DENND4C: variants seen among roughly 807,000 people sequenced by gnomAD.
DENND4C encodes the protein DENN domain-containing protein 4C.
A neutral mutation model predicts 203.0 loss-of-function variants in DENND4C; 108 were observed. The ratio of observed to expected loss-of-function variants is 0.53; its 90% CI spans 0.46 to 0.62. The LOEUF is 0.62. Among genes scored for constraint, DENND4C ranks in the 20% least tolerant of loss-of-function variants. The pLI, the probability that DENND4C is intolerant of heterozygous loss-of-function variation, is 0.00. For missense variants in DENND4C, 2,481 were observed against 2,301.2 expected (o/e 1.08, Z -1.60); for synonymous variants, 871 against 792.4 (o/e 1.10, Z -1.67).
Position 19,372,413 on chromosome 9 carries a change from C to T in DENND4C, c.*240C>T, listed in dbSNP as rs962987711. ...CAACCCCTGAACTGCTTTTCTGCCT[C>T]TGTGGAAAACTACTTTGGGATTCTT... On this transcript the variant is annotated 3_prime_UTR_variant, in exon 33 of 33. Coordinates refer to ENST00000434457, the MANE Select transcript of DENND4C (RefSeq NM_001330640.2). 2.7e-6 allele frequency: 1 copy of T among 377,338 alleles called. No individual in the cohort carries two copies. The highest frequency in any genetic ancestry group is 4.2e-5 in the East Asian group (1 of 23,832). The allele number at this position is 377,338 out of a possible 1,614,324, so 23.4% of individuals were successfully genotyped here.
chr9:19,331,294 C>T (rs1432305483), intron 16 of DENND4C, among the ~76,000 whole-genome samples: 1 of 151,650 alleles, frequency 6.6e-6, no homozygotes, highest in Non-Finnish European at 1.5e-5. Flanking sequence ...CTTCCCACTC[C>T]CTGGTTCAAG....
In DENND4C at chr9:19,372,248, T is replaced by C. The variant is rs1444780136; in HGVS notation, c.*75T>C. On this transcript the variant is annotated 3_prime_UTR_variant, in exon 33 of 33. Coordinates refer to ENST00000434457, the MANE Select transcript of DENND4C (RefSeq NM_001330640.2). ...ATCTGGAAACATTCAAGTTTTTTTT[T>C]CCAAATCGTAAGAACTGGTGAATAC... is the stretch of plus-strand genomic sequence containing the variant. 16 of 1,539,504 alleles carry C rather than the reference T, an allele frequency of 1.0e-5. No homozygotes were observed. Among genetic ancestry groups the C allele is most frequent in the African/African-American group, 1.4e-5 (1 of 71,918 alleles).
At chr9:19,291,012 A>T in intron 5 of DENND4C, 136 bp downstream of exon 5, 1 of 831,158 alleles carries the variant, frequency 1.2e-6, no homozygotes, top group Non-Finnish European at 1.8e-6. Context: ...TGTCATCCCC[A>T]AGGTGAGAAA....
chr9:19,305,515 A>C lies in DENND4C; in HGVS notation c.1475A>C (p.Asn492Thr), dbSNP rs1839474412. 1 of 1,612,396 alleles carries C rather than the reference A, an allele frequency of 6.2e-7. No individual in the cohort carries two copies. Among genetic ancestry groups the C allele is most frequent in the Admixed American group, 1.7e-5 (1 of 60,008 alleles). ...QDVVCIDLDT[N>T]MLYVSDEKKN... ...GTTGTTTGCATTGACTTGGATACGA[A>C]CATGTTATATGTGTAAGTTGATTCA... The change falls in exon 10 of 33, where the codon AAC becomes ACC. Residue 492 changes from asparagine (N) to threonine (T), a missense_variant. Around this residue, in one of 3 missense-constraint regions of DENND4C, gnomAD observed 2,289 missense variants for 2,113.3 expected, o/e 1.08. Coordinates refer to ENST00000434457, the MANE Select transcript of DENND4C (RefSeq NM_001330640.2).
intron 1 of DENND4C, among the ~76,000 whole-genome samples, chr9:19,257,211 C>T (rs750418723): frequency 1.8e-4 from 27 of 151,474 alleles, no homozygotes; most frequent in Admixed American, 2.6e-4. Flanking sequence ...AAAAAGAAGG[C>T]CGGGTGCGGT....
intron 12 of DENND4C, among the ~76,000 whole-genome samples, chr9:19,323,751 A>G (rs1843272919): frequency 6.6e-6 from 1 of 152,246 alleles, no homozygotes; most frequent in African/African-American, 2.4e-5. Flanking sequence ...TATGCAGAGT[A>G]TCAGAGAAAT....
At chr9:19,353,431 C>G (rs1245002845) in intron 26 of DENND4C, among the ~76,000 whole-genome samples, 1 of 152,150 alleles carries the variant, frequency 6.6e-6, no homozygotes, top group Non-Finnish European at 1.5e-5. Flanking sequence ...AGTTCGAGAC[C>G]AGCCTGGGCA....
At chr9:19,335,643 T>C (rs1462760019) in intron 18 of DENND4C, among the ~76,000 whole-genome samples, 1 of 152,188 alleles carries the variant, frequency 6.6e-6, no homozygotes, top group African/African-American at 2.4e-5. Context: ...TCACTTACCA[T>C]AATGTCCTCT....
chr9:19,337,708 C>A lies in DENND4C; in HGVS notation c.2881+876C>A, dbSNP rs114871407. The A allele has an allele frequency of 1.6e-3, 1,937 of 1,233,360 alleles. 34 individuals carry two copies. In the African/African-American group the frequency reaches 0.028, roughly 18 times the overall value. The allele number at this position is 1,233,360 out of a possible 1,614,324, so 76.4% of individuals were successfully genotyped here. On this transcript the variant is annotated intron_variant, in intron 20 of 32. Transcript: ENST00000434457. ...ATTTATTAGGTTAAATTTTGCTGAC[C>A]TGCAAGGGTGGGGGAAAGACCTTTC...
chr9:19,337,418 G>T (rs1820727824), intron 20 of DENND4C, among the ~76,000 whole-genome samples: 1 of 152,130 alleles, frequency 6.6e-6, no homozygotes, highest in Admixed American at 6.5e-5. Flanking sequence ...TTTTGTTGTG[G>T]TTGTTTTTAA....
chr9:19,288,251 C>G (rs1468266691), intron 3 of DENND4C, among the ~76,000 whole-genome samples: 4 of 152,154 alleles, frequency 2.6e-5, no homozygotes, highest in Non-Finnish European at 5.9e-5. Context: ...AGGTGATGAC[C>G]TCATAGTCCT....
chr9:19,340,537 A>G (rs1277353177), intron 20 of DENND4C, among the ~76,000 whole-genome samples: 1 of 152,200 alleles, frequency 6.6e-6, no homozygotes, highest in Non-Finnish European at 1.5e-5. Context: ...TAAGCCATAC[A>G]TAGAGAAGTT....
In DENND4C at chr9:19,290,891, C is replaced by A; in HGVS notation, c.801+15C>A. On this transcript the variant is annotated intron_variant, in intron 5 of 32. Transcript: ENST00000434457. The stretch of plus-strand genomic sequence containing the variant: ...CAGCCAAAAAGGTATGTTTTTGTCT[C>A]ATTGATTAAACACATTTTGTCCATG... 6.2e-7 allele frequency: 1 copy of A among 1,604,884 alleles called. No homozygotes were observed. The highest frequency in any genetic ancestry group is 1.3e-5 in the African/African-American group (1 of 74,680).
At chr9:19,313,927 C>T (rs1841238527) in intron 10 of DENND4C, among the ~76,000 whole-genome samples, 1 of 152,138 alleles carries the variant, frequency 6.6e-6, no homozygotes, top group Non-Finnish European at 1.5e-5. Context: ...AAGAATGATG[C>T]AGTGATTAGC....
intron 1 of DENND4C, among the ~76,000 whole-genome samples, chr9:19,245,958 A>T (rs1254190235): frequency 6.6e-6 from 1 of 151,180 alleles, no homozygotes; most frequent in Non-Finnish European, 1.5e-5. Flanking sequence ...TTGGAATCCA[A>T]TTTTTTTTTT....
intron 24 of DENND4C, among the ~76,000 whole-genome samples, chr9:19,351,730 C>T (rs1242502839): frequency 6.6e-6 from 1 of 151,170 alleles, no homozygotes; most frequent in Non-Finnish European, 1.5e-5. Flanking sequence ...TCACTTGAAC[C>T]TGGGAGGCAG....
intron 1 of DENND4C, among the ~76,000 whole-genome samples, chr9:19,262,612 A>G (rs957661187): frequency 3.3e-5 from 5 of 151,746 alleles, no homozygotes; most frequent in African/African-American, 1.2e-4. Flanking sequence ...TTGTATTTTT[A>G]GTAGAGATGG....
intron 22 of DENND4C, among the ~76,000 whole-genome samples, chr9:19,344,317 C>G (rs1314024904): frequency 3.3e-5 from 5 of 152,188 alleles, no homozygotes; most frequent in Non-Finnish European, 5.9e-5. Context: ...GTTCCACAGA[C>G]TAGGTGACTT....
chr9:19,348,333 C>T (rs1209182903), intron 23 of DENND4C, among the ~76,000 whole-genome samples: 1 of 152,052 alleles, frequency 6.6e-6, no homozygotes, highest in Non-Finnish European at 1.5e-5. Flanking sequence ...GAAGCGATAT[C>T]TCAGGAGAAG....
Sources: gnomAD v4.1 joint callset for allele counts (sites outside exome capture counted in the v4.1 genomes callset) on GRCh38, gnomAD v4.1.1 for gene constraint, gnomAD v4.1.1 regional missense constraint, MANE v1.5 for transcripts, NCBI Gene and HGNC (gene_info 2026-07-23, HGNC 2026-07-21) for gene names.